The following SORCS2 variants were observed in gnomAD, a reference collection of about 807,000 sequenced individuals.
SORCS2 encodes the protein sortilin related VPS10 domain containing receptor 2, also known as VPS10 domain-containing receptor SorCS2.
SORCS2 carries 100 observed loss-of-function variants against 141.6 expected under a neutral mutation model. The observed-to-expected ratio is 0.71, with a 90% CI of 0.60 to 0.83. SORCS2 has a LOEUF of 0.83. Among genes scored for constraint, SORCS2 ranks in the 40% least tolerant of loss-of-function variants. The probability of loss-of-function intolerance (pLI) is 0.00; values close to 1 mark genes in which losing one functional copy is unlikely to be tolerated. For missense variants in SORCS2, 1,646 were observed against 1,560.2 expected (o/e 1.05, Z -0.93); for synonymous variants, 789 against 676.9 (o/e 1.17, Z -2.57).
rs569244398 is a variant in SORCS2, at chr4:7,713,190, A to T, written c.1989+337A>T. On this transcript the variant is annotated intron_variant, in intron 15 of 26. Transcript: ENST00000507866. ...AAGGTAACACAGGCCTGTACCATAC[A>T]TGACATTGGGGTCTGGGTGTGGAGT... Among the ~76,000 whole-genome samples, 26 of 152,266 alleles carry T rather than the reference A, an allele frequency of 1.7e-4. No individual in the cohort carries two copies. In the East Asian group the frequency reaches 4.6e-3, roughly 27 times the overall value.
At chr4:7,276,293 C>T (rs919733113) in intron 1 of SORCS2, among the ~76,000 whole-genome samples, 3 of 152,206 alleles carry the variant, frequency 2.0e-5, no homozygotes, top group Admixed American at 1.3e-4. Flanking sequence ...GGGAAGGCAG[C>T]CTGCCCATGC....
At chr4:7,271,297 C>T (rs986156173) in intron 1 of SORCS2, among the ~76,000 whole-genome samples, 5 of 152,186 alleles carry the variant, frequency 3.3e-5, no homozygotes. Flanking sequence ...ATCCCAGTGG[C>T]CCCACACGGC....
At chr4:7,501,116 G>A (rs1032666938) in intron 2 of SORCS2, among the ~76,000 whole-genome samples, 2 of 152,168 alleles carry the variant, frequency 1.3e-5, no homozygotes, top group African/African-American at 4.8e-5. Flanking sequence ...TGAAGGCGCG[G>A]GTGAGACGAA....
At chr4:7,556,639 T>C (rs1288511156) in intron 3 of SORCS2, among the ~76,000 whole-genome samples, 1 of 152,122 alleles carries the variant, frequency 6.6e-6, no homozygotes, top group African/African-American at 2.4e-5. Flanking sequence ...TTTTTTTCCA[T>C]GTACCCATCT....
At chr4:7,564,982 G>A (rs1223228698) in intron 3 of SORCS2, among the ~76,000 whole-genome samples, 2 of 152,120 alleles carry the variant, frequency 1.3e-5, no homozygotes, top group Non-Finnish European at 2.9e-5. Context: ...GAGATGCGGT[G>A]CACCGGCAGG....
At chr4:7,389,836 G>C (rs1399220123) in intron 1 of SORCS2, among the ~76,000 whole-genome samples, 1 of 152,198 alleles carries the variant, frequency 6.6e-6, no homozygotes, top group Non-Finnish European at 1.5e-5. Context: ...GTCCGCGGTA[G>C]TGAGAGTGGA....
At chr4:7,610,319 C>T (rs940524259) in intron 3 of SORCS2, among the ~76,000 whole-genome samples, 2 of 152,176 alleles carry the variant, frequency 1.3e-5, no homozygotes, top group African/African-American at 4.8e-5. Context: ...AATGAGGACA[C>T]TCATGAGGGA....
intron 1 of SORCS2, chr4:7,310,418 T>C (rs11942816): frequency 0.51 from 78,562 of 154,216 alleles, 21,686 homozygotes; most frequent in South Asian, 0.67. Flanking sequence ...GCTTTAAAAA[T>C]GGCATTTATT....
chr4:7,630,182 T>A (rs1034615660), intron 3 of SORCS2, among the ~76,000 whole-genome samples: 3 of 152,148 alleles, frequency 2.0e-5, no homozygotes, highest in African/African-American at 7.2e-5. Flanking sequence ...CTCTGGGACC[T>A]GGACACAGCC....
At chr4:7,449,812 A>G (rs1409663727) in intron 2 of SORCS2, among the ~76,000 whole-genome samples, 1 of 152,122 alleles carries the variant, frequency 6.6e-6, no homozygotes, top group African/African-American at 2.4e-5. Flanking sequence ...CCCACTAGCC[A>G]GACATTTCTT....
chr4:7,238,980 C>T (rs924286605), intron 1 of SORCS2, among the ~76,000 whole-genome samples: 8 of 152,242 alleles, frequency 5.3e-5, no homozygotes, highest in African/African-American at 1.9e-4. Flanking sequence ...CCAGCAGCTC[C>T]ACCACTGGGA....
At chr4:7,561,617 C>T (rs372556865) in intron 3 of SORCS2, among the ~76,000 whole-genome samples, 2 of 149,016 alleles carry the variant, frequency 1.3e-5, no homozygotes, top group Non-Finnish European at 3.0e-5. Context: ...TCTACCCATC[C>T]GTCTATCTAC....
At chr4:7,413,903 C>T (rs1725493250) in intron 2 of SORCS2, among the ~76,000 whole-genome samples, 1 of 152,134 alleles carries the variant, frequency 6.6e-6, no homozygotes, top group Non-Finnish European at 1.5e-5. Flanking sequence ...TTCCTCCTGC[C>T]TATCGGATTG....
chr4:7,454,874 T>C (rs1728771299), intron 2 of SORCS2, among the ~76,000 whole-genome samples: 1 of 134,596 alleles, frequency 7.4e-6, no homozygotes, highest in Admixed American at 7.3e-5. Context: ...TCAGGTGCTG[T>C]GTGTTGGGGT....
chr4:7,618,092 C>T (rs1390305628), intron 3 of SORCS2, among the ~76,000 whole-genome samples: 3 of 152,124 alleles, frequency 2.0e-5, no homozygotes, highest in African/African-American at 4.8e-5. Flanking sequence ...GACACCCCCT[C>T]GGAGGGTGGA....
intron 3 of SORCS2, among the ~76,000 whole-genome samples, chr4:7,573,027 G>A (rs1011475220): frequency 6.6e-6 from 1 of 152,182 alleles, no homozygotes; most frequent in African/African-American, 2.4e-5. Flanking sequence ...TATCAAAGTG[G>A]CTGTTGATCT....
chr4:7,241,907 C>A (rs1223431668), intron 1 of SORCS2, among the ~76,000 whole-genome samples: 1 of 152,208 alleles, frequency 6.6e-6, no homozygotes, highest in African/African-American at 2.4e-5. Context: ...TGTTGAGCGT[C>A]TACTCCGTGC....
chr4:7,688,509 G>A (rs1030608367), intron 10 of SORCS2, among the ~76,000 whole-genome samples: 2 of 152,230 alleles, frequency 1.3e-5, no homozygotes, highest in African/African-American at 4.8e-5. Context: ...CCCCAGAGCT[G>A]TGCCATAGTA....
chr4:7,200,498 C>A (rs866410489), intron 1 of SORCS2, among the ~76,000 whole-genome samples: 4 of 152,198 alleles, frequency 2.6e-5, no homozygotes, highest in Non-Finnish European at 5.9e-5. Flanking sequence ...CAGACCATCT[C>A]CAAGGTCACT....
Sources: allele counts gnomAD v4.1 joint callset (sites outside exome capture counted in the v4.1 genomes callset), GRCh38; gene constraint gnomAD v4.1.1; transcripts MANE v1.5; gene names NCBI Gene and HGNC (gene_info 2026-07-23, HGNC 2026-07-21).